The following HNF4A variants were observed in gnomAD, a reference collection of about 807,000 sequenced individuals.
HNF4A encodes the protein hepatocyte nuclear factor 4-alpha.
HNF4A carries 15 observed loss-of-function variants against 52.4 expected under a neutral mutation model. That is an observed-to-expected ratio of 0.29 (90% CI 0.19 to 0.44). HNF4A has a LOEUF of 0.44. Among genes scored for constraint, HNF4A ranks in the 20% least tolerant of loss-of-function variants. HNF4A has a pLI of 1.00. For synonymous variants in HNF4A, 280 were observed against 264.4 expected, an observed-to-expected ratio of 1.06 and a Z score of -0.57; for missense variants, 479 against 647.2, an observed-to-expected ratio of 0.74 and a Z score of 2.82.
chr20:44,407,297 T>G, intron 2 of HNF4A, 84 bp from the exon 3 acceptor site: 1 of 990,816 alleles, frequency 1.0e-6, no homozygotes, highest in East Asian at 2.6e-5. Context: ...GGTTGGGGGG[T>G]CAACTGGATA....
chr20:44,392,818 C>T (rs1359481576), intron 1 of HNF4A, among the ~76,000 whole-genome samples: 1 of 152,184 alleles, frequency 6.6e-6, no homozygotes, highest in African/African-American at 2.4e-5. Flanking sequence ...CAGCAGCTTA[C>T]ATGAAGCCCT....
intron 1 of HNF4A, among the ~76,000 whole-genome samples, chr20:44,360,913 T>G (rs1011281904): frequency 7.2e-5 from 11 of 152,294 alleles, no homozygotes; most frequent in African/African-American, 2.6e-4. Flanking sequence ...GTTGTGAAGA[T>G]TCCATGAGCT....
At chr20:44,374,266 A>T (rs1187142077) in intron 1 of HNF4A, among the ~76,000 whole-genome samples, 1 of 152,132 alleles carries the variant, frequency 6.6e-6, no homozygotes, top group Non-Finnish European at 1.5e-5. Flanking sequence ...TTCACTTAGG[A>T]TGAGGTCCTC....
upstream of HNF4A, among the ~76,000 whole-genome samples, chr20:44,397,183 A>C (rs753346516): frequency 3.3e-5 from 5 of 152,140 alleles, no homozygotes; most frequent in African/African-American, 4.8e-5. Flanking sequence ...AACCAAACCA[A>C]TACTGTGACA....
At chr20:44,416,845 T>C (rs1429088356) in intron 5 of HNF4A, among the ~76,000 whole-genome samples, 1 of 152,176 alleles carries the variant, frequency 6.6e-6, no homozygotes, top group Non-Finnish European at 1.5e-5. Context: ...GACCTCCCCA[T>C]CTAACGTAGC....
chr20:44,358,185 C>G (rs2062878596), intron 1 of HNF4A, among the ~76,000 whole-genome samples: 1 of 149,200 alleles, frequency 6.7e-6, no homozygotes, highest in Admixed American at 6.8e-5. Context: ...AATCATTACC[C>G]CTCTCTGAGC....
chr20:44,414,340 C>T (rs1238224678), intron 4 of HNF4A, among the ~76,000 whole-genome samples, 167 bp from the exon 5 acceptor site: 1 of 152,176 alleles, frequency 6.6e-6, no homozygotes, highest in African/African-American at 2.4e-5. Flanking sequence ...TCATCCCTGC[C>T]TCCTCCCTCC....
At chr20:44,421,096 A>G (rs1457996031) in intron 7 of HNF4A, among the ~76,000 whole-genome samples, 1 of 152,074 alleles carries the variant, frequency 6.6e-6, no homozygotes, top group Non-Finnish European at 1.5e-5. Flanking sequence ...TTTTCCCAAT[A>G]TATTTTTATT....
At chr20:44,384,880 C>T (rs2063200268) in intron 1 of HNF4A, among the ~76,000 whole-genome samples, 1 of 151,902 alleles carries the variant, frequency 6.6e-6, no homozygotes, top group African/African-American at 2.4e-5. Flanking sequence ...GCCCATCCCA[C>T]CAAGTGGCCA....
chr20:44,389,417 G>T (rs1016661372), intron 1 of HNF4A, among the ~76,000 whole-genome samples: 1 of 152,136 alleles, frequency 6.6e-6, no homozygotes, highest in Non-Finnish European at 1.5e-5. Context: ...GTATAAGCAG[G>T]TCCCATGCAT....
At chr20:44,380,095 T>A (rs1416732241) in intron 1 of HNF4A, among the ~76,000 whole-genome samples, 1 of 152,096 alleles carries the variant, frequency 6.6e-6, no homozygotes, top group Non-Finnish European at 1.5e-5. Flanking sequence ...GCCAGGCTGG[T>A]CTCAAACTCC....
At position 44,414,534 on chromosome 20, in the gene HNF4A, G is replaced by A. The variant is rs760038979; in HGVS notation, c.520G>A (p.Gly174Ser). The change falls in exon 5 of 10, where the codon GGC becomes AGC. Residue 174 changes from glycine to serine, a missense_variant. Gly to Ser is a moderately conservative substitution (Grantham distance 56, BLOSUM62 0). Around this residue, in one of 3 missense-constraint regions of HNF4A, gnomAD observed 389 missense variants for 525.1 expected, o/e 0.74. Coordinates refer to ENST00000316099, the MANE Select transcript of HNF4A (RefSeq NM_000457.6). ...CACCTCCCCCGTCTCCGGGATCAAC[G>A]GCGACATTCGGGCGAAGAAGATTGC... 1.5e-5 allele frequency: 25 copies of A among 1,614,204 alleles called. No individual in the cohort carries two copies. Among genetic ancestry groups the A allele is most frequent in the East Asian group, 4.5e-5 (2 of 44,880 alleles).
In HNF4A at chr20:44,412,106, T is replaced by A. The variant is rs530484491; in HGVS notation, c.386-1588T>A. 4.3e-4 allele frequency among the ~76,000 whole-genome samples: 65 copies of A among 152,202 alleles called. 1 individual carries two copies. Among genetic ancestry groups the A allele is most frequent in the African/African-American group, 1.6e-3 (65 of 41,532 alleles). ...GAGCTTGTCTCTTCCAATGCCTTCGTTCTCTCACTGCACAAATATTCATTG... is the reference window on the plus strand; with the variant it reads ...GAGCTTGTCTCTTCCAATGCCTTCGATCTCTCACTGCACAAATATTCATTG... On this transcript the variant is annotated intron_variant, in intron 3 of 9. Transcript: ENST00000316099.
At chr20:44,365,302 G>A (rs1341725717) in intron 1 of HNF4A, among the ~76,000 whole-genome samples, 1 of 152,016 alleles carries the variant, frequency 6.6e-6, no homozygotes, top group Non-Finnish European at 1.5e-5. Flanking sequence ...CCAAGTAGCT[G>A]GGACCACAGG....
intron 1 of HNF4A, among the ~76,000 whole-genome samples, chr20:44,405,690 G>A (rs1030555765): frequency 6.6e-6 from 1 of 152,196 alleles, no homozygotes; most frequent in Non-Finnish European, 1.5e-5. Flanking sequence ...ACAGGACCTG[G>A]TTCTGGGGAA....
intron 1 of HNF4A, among the ~76,000 whole-genome samples, chr20:44,368,676 T>C (rs1048031420): frequency 1.5e-4 from 23 of 152,192 alleles, no homozygotes; most frequent in Admixed American, 1.5e-3. Flanking sequence ...TTAGTATGTA[T>C]TGTTAATGAT....
At chr20:44,417,968 CAA>C (rs544063850) in intron 5 of HNF4A, among the ~76,000 whole-genome samples, 30 of 74,380 alleles carry the variant, frequency 4.0e-4, no homozygotes, top group Admixed American at 4.6e-4. Flanking sequence ...GACTCTGTCT[CAA>C]AAAAAAAAAA....
intron 1 of HNF4A, among the ~76,000 whole-genome samples, chr20:44,379,574 C>T (rs879791332): frequency 7.2e-5 from 11 of 151,828 alleles, no homozygotes; most frequent in Non-Finnish European, 1.6e-4. Context: ...TTTTTGGAGA[C>T]ATAGTCTTGC....
intron 1 of HNF4A, 50 bp from the exon 2 acceptor site, chr20:44,406,008 C>G (rs1385919856): frequency 6.4e-7 from 1 of 1,567,976 alleles, no homozygotes; most frequent in East Asian, 2.2e-5. Flanking sequence ...CCCTTAGATG[C>G]CTGACATTCT....
Sources: gnomAD v4.1 joint callset for allele counts (sites outside exome capture counted in the v4.1 genomes callset) on GRCh38, gnomAD v4.1.1 for gene constraint, gnomAD v4.1.1 regional missense constraint, MANE v1.5 for transcripts, NCBI Gene and HGNC (gene_info 2026-07-23, HGNC 2026-07-21) for gene names.